Variants in MAN2A2 observed in about 807,000 individuals in gnomAD.
The protein encoded by MAN2A2 is mannosidase alpha class 2A member 2.
In MAN2A2, 79 loss-of-function variants were observed where a neutral mutation model predicts 126.8. The ratio of observed to expected loss-of-function variants is 0.62; its 90% CI spans 0.52 to 0.75. The LOEUF is 0.75. Among genes scored for constraint, MAN2A2 ranks in the 30% least tolerant of loss-of-function variants. MAN2A2 has a pLI of 0.00. For synonymous variants in MAN2A2, 671 were observed against 618.7 expected (o/e 1.08, Z -1.25); for missense variants, 1,392 against 1,522.4 (o/e 0.91, Z 1.43).
At chr15:90,911,798 C>T (rs2034767919) in intron 14 of MAN2A2, 1 of 603,024 alleles carries the variant, frequency 1.7e-6, no homozygotes, top group South Asian at 2.0e-5. Context: ...CCCCATCATT[C>T]AGTCATTCAA....
chr15:90,902,955 C>G (rs2033956363), upstream of MAN2A2: 2 of 151,326 alleles, frequency 1.3e-5, no homozygotes, highest in South Asian at 4.1e-4. Context: ...CCCGGAGCGG[C>G]GCGGAGGCCG....
rs746738031 is a variant in MAN2A2 at position 90,912,944 on chromosome 15, C to G, written c.2537C>G (p.Ala846Gly). The change falls in exon 17 of 23, where the codon GCG becomes GGG. Residue 846 changes from alanine (A) to glycine (G), a missense_variant. Ala to Gly is a moderately conservative substitution (Grantham distance 60). Coordinates refer to ENST00000559717, the MANE Select transcript of MAN2A2 (RefSeq NM_006122.4). Reference protein sequence around the residue: ...TEGPFFSEVVAYYEHIHQAVR... With the variant: ...TEGPFFSEVVGYYEHIHQAVR... ...GGCCCTTTCTTCTCAGAGGTGGTTG[C>G]GTACTATGAGCACATTCACCAGGCG... 1 of 1,614,088 alleles carries G rather than the reference C, an allele frequency of 6.2e-7. No individual in the cohort carries two copies. The highest frequency in any genetic ancestry group is 1.1e-5 in the South Asian group (1 of 91,084).
intron 19 of MAN2A2, among the ~76,000 whole-genome samples, chr15:90,914,613 G>T (rs540202276): frequency 6.6e-6 from 1 of 152,046 alleles, no homozygotes; most frequent in Admixed American, 6.5e-5. Context: ...TCCGCCTTCC[G>T]ATTTGAAGCG....
intron 14 of MAN2A2, 22 bp downstream of exon 14, chr15:90,911,572 T>C: frequency 1.3e-6 from 2 of 1,597,024 alleles, no homozygotes; most frequent in Non-Finnish European, 1.7e-6. Context: ...GCTTGTCAGG[T>C]GGGCCTGGCC....
intron 19 of MAN2A2, among the ~76,000 whole-genome samples, chr15:90,914,299 C>T (rs1213420415): frequency 6.6e-6 from 1 of 152,166 alleles, no homozygotes; most frequent in African/African-American, 2.4e-5. Flanking sequence ...CACTGCACTA[C>T]AGCCTGGTGA....
intron 21 of MAN2A2, 128 bp from the exon 22 acceptor site, chr15:90,918,517 A>C (rs2151331113): frequency 1.6e-6 from 2 of 1,283,856 alleles, no homozygotes; most frequent in Middle Eastern, 2.0e-4. Context: ...AACCTCCAGG[A>C]CCAGGTTTTG....
intron 16 of MAN2A2, 34 bp from the exon 17 acceptor site, chr15:90,912,843 C>T (rs763039127): frequency 1.2e-5 from 19 of 1,590,094 alleles, no homozygotes; most frequent in Non-Finnish European, 1.6e-5. Context: ...GCCCTCTGTG[C>T]TGTAGTTTCA....
chr15:90,906,950 T>C (rs1489138113), intron 7 of MAN2A2, 37 bp downstream of exon 7: 6 of 1,606,246 alleles, frequency 3.7e-6, no homozygotes, highest in Non-Finnish European at 5.1e-6. Flanking sequence ...TACTGCAGCA[T>C]AGTCTTCACT....
Position 90,919,827 on chromosome 15 carries a change from C to G in MAN2A2, c.*40C>G. The G allele has an allele frequency of 1.9e-6, 3 of 1,610,150 alleles. No homozygotes were observed. Among genetic ancestry groups the G allele is most frequent in the South Asian group, 2.2e-5 (2 of 90,790 alleles). ...TGAAGAGAAAGTTCATTCACAGAGA[C>G]TGCCTCTTAACATGAAGATCATTGG... On this transcript the variant is annotated 3_prime_UTR_variant, in exon 23 of 23. Coordinates refer to ENST00000559717, the MANE Select transcript of MAN2A2 (RefSeq NM_006122.4).
At chr15:90,913,452 G>A (rs2034927451) in intron 18 of MAN2A2, 46 bp downstream of exon 18, 1 of 1,575,452 alleles carries the variant, frequency 6.3e-7, no homozygotes, top group Non-Finnish European at 8.7e-7. Context: ...AGTAGAACTT[G>A]GACTCTGCTT....
Position 90,910,844 on chromosome 15 carries a change from C to A in MAN2A2, c.1761-3C>A. 1 of 1,613,154 alleles carries A rather than the reference C, an allele frequency of 6.2e-7. No homozygotes were observed. Among genetic ancestry groups the A allele is most frequent in the Non-Finnish European group, 8.5e-7 (1 of 1,179,226 alleles). ...CTCCTTCCCTCTCCTGCGCCACCCA[C>A]AGGCTTCTGCGCTCCCTTGTCAACC... On this transcript the variant is annotated splice_region_variant and splice_polypyrimidine_tract_variant and intron_variant, in intron 11 of 22. Transcript: ENST00000559717.
intron 20 of MAN2A2, chr15:90,916,458 C>T: frequency 5.5e-6 from 6 of 1,095,296 alleles, no homozygotes; most frequent in South Asian, 1.5e-5. Flanking sequence ...CCCAGCAGCG[C>T]TCTGTCACCT....
intron 3 of MAN2A2, 33 bp downstream of exon 3, chr15:90,905,541 G>T (rs1472974721): frequency 1.9e-6 from 3 of 1,614,138 alleles, no homozygotes; most frequent in Non-Finnish European, 2.5e-6. Context: ...ACGTACAGTG[G>T]CCACGACTGG....
rs151326082 is a variant in MAN2A2 at position 90,906,400 on chromosome 15, G to T, written c.738G>T (p.Ala246=). Residue 246 remains alanine (A), a synonymous_variant, in exon 6 of 23, where the codon GCG becomes GCT. Transcript: ENST00000559717. ...TGGGAAACGGGCAGCTGGAGATTGC[G>T]ACAGGAGGCTGGGTGATGCCAGATG... ...RLVGNGQLEI[A]TGGWVMPDEA... is the part of the protein sequence containing the mutation. The T allele has an allele frequency of 3.7e-6, 6 of 1,614,144 alleles. 1 individual carries two copies. The South Asian group carries it at 6.6e-5, about 18-fold the overall frequency.
chr15:90,902,915 G>A (rs578110396), upstream of MAN2A2: 4,733 of 150,438 alleles, frequency 0.031, 103 homozygotes, highest in Non-Finnish European at 0.049. Flanking sequence ...GTCCCCGGGC[G>A]TGTGAGAGCC....
intron 15 of MAN2A2, 109 bp downstream of exon 15, chr15:90,912,388 C>G (rs6496737): frequency 1.2e-5 from 18 of 1,552,734 alleles, no homozygotes; most frequent in Non-Finnish European, 1.6e-5. Context: ...GCCACCTGAC[C>G]CACAGTGGAC....
chr15:90,911,736 G>C, intron 14 of MAN2A2, 186 bp downstream of exon 14: 1 of 661,256 alleles, frequency 1.5e-6, no homozygotes, highest in Non-Finnish European at 2.5e-6. Context: ...TCCTTGAAAA[G>C]AAGGGGAAGG....
intron 6 of MAN2A2, 61 bp from the exon 7 acceptor site, chr15:90,906,679 G>C: frequency 6.3e-7 from 1 of 1,590,224 alleles, no homozygotes; most frequent in South Asian, 1.1e-5. Flanking sequence ...GCACCTGGAA[G>C]GCCGGGGGGC....
chr15:90,905,773 G>C, intron 4 of MAN2A2, 50 bp downstream of exon 4: 1 of 1,608,010 alleles, frequency 6.2e-7, no homozygotes, highest in Non-Finnish European at 8.5e-7. Flanking sequence ...TGGGATTTCT[G>C]ATGGCCAATA....
Sources: gnomAD v4.1 joint callset for allele counts (sites outside exome capture counted in the v4.1 genomes callset) on GRCh38, gnomAD v4.1.1 for gene constraint, MANE v1.5 for transcripts, NCBI Gene and HGNC (gene_info 2026-07-23, HGNC 2026-07-21) for gene names.